NCKAP1L: variants seen among roughly 807,000 people sequenced by gnomAD.
NCKAP1L encodes nck-associated protein 1-like.
Under a neutral mutation model 139.2 loss-of-function variants are expected in NCKAP1L, and 53 were observed. That is an observed-to-expected ratio of 0.38 (90% CI 0.31 to 0.48). NCKAP1L has a LOEUF of 0.48. NCKAP1L is among the 20% of genes least tolerant of loss of function. The pLI, the probability that NCKAP1L is intolerant of heterozygous loss-of-function variation, is 0.98. For missense variants in NCKAP1L, 1,151 were observed against 1,381.9 expected (o/e 0.83, Z 2.65); for synonymous variants, 468 against 499.7 (o/e 0.94, Z 0.85).
At chr12:54,527,747 C>T (rs374548346) in intron 21 of NCKAP1L, among the ~76,000 whole-genome samples, 1 of 152,192 alleles carries the variant, frequency 6.6e-6, no homozygotes, top group African/African-American at 2.4e-5. Context: ...TCAAGCCCTC[C>T]TCTACCCACA....
At chr12:54,523,610 T>C in intron 19 of NCKAP1L, 71 bp downstream of exon 19, 18 of 1,511,406 alleles carry the variant, frequency 1.2e-5, no homozygotes, top group Non-Finnish European at 1.4e-5. Flanking sequence ...AGAGGGAAGG[T>C]GACACAGAAA....
At chr12:54,542,360 G>T (rs1238883817) in intron 30 of NCKAP1L, among the ~76,000 whole-genome samples, 2 of 152,182 alleles carry the variant, frequency 1.3e-5, no homozygotes, top group Non-Finnish European at 2.9e-5. Context: ...ACATAGTCCT[G>T]ATGAGGGGGT....
intron 18 of NCKAP1L, among the ~76,000 whole-genome samples, chr12:54,523,167 A>G (rs1956999160): frequency 6.6e-6 from 1 of 152,228 alleles, no homozygotes; most frequent in African/African-American, 2.4e-5. Context: ...AGACACTGCC[A>G]TCTTGAGACT....
chr12:54,531,642 A>T (rs1156782776), intron 24 of NCKAP1L, 58 bp downstream of exon 24: 1 of 1,601,512 alleles, frequency 6.2e-7, no homozygotes, highest in Non-Finnish European at 8.6e-7. Flanking sequence ...TGCAGATGAC[A>T]GGGTTTTCAG....
At chr12:54,520,167 A>G (rs1173278718) in intron 16 of NCKAP1L, among the ~76,000 whole-genome samples, 1 of 152,178 alleles carries the variant, frequency 6.6e-6, no homozygotes, top group Non-Finnish European at 1.5e-5. Flanking sequence ...AGTTGGGGAG[A>G]TATAATACCT....
rs1238315240 is a variant in NCKAP1L, at chr12:54,518,515, C to T, written c.1339-136C>T. On this transcript the variant is annotated intron_variant, in intron 13 of 30. Transcript: ENST00000293373. ...GGAACCCGGAAAGTTTCCTTCATCT[C>T]TTGCTTGGCTTTTTCTCTCTGTTTT... 3.4e-5 allele frequency: 26 copies of T among 766,172 alleles called. No homozygotes were observed. In the South Asian group the frequency reaches 3.6e-4, roughly 11 times the overall value. The allele number at this position is 766,172 out of a possible 1,614,324, so 47.5% of individuals were successfully genotyped here.
rs1159461198 is a variant in NCKAP1L, at chr12:54,517,890, T to G, written c.1290T>G (p.Leu430=). 1 of 1,614,048 alleles carries G rather than the reference T, an allele frequency of 6.2e-7. No homozygotes were observed. The highest frequency in any genetic ancestry group is 1.3e-5 in the African/African-American group (1 of 74,920). The change falls in exon 13 of 31, where the codon CTT becomes CTG. Residue 430 remains leucine, a synonymous_variant. Coordinates refer to ENST00000293373, the MANE Select transcript of NCKAP1L (RefSeq NM_005337.5). ...RHIKVIQQYH[L]QYLARFDALV... is the part of the protein sequence containing the mutation. ...TCAAAGTGATACAGCAATACCACCT[T>G]CAGTACTTGGCAAGATTTGATGCTC...
At chr12:54,529,457 G>A (rs74091310) in intron 22 of NCKAP1L, among the ~76,000 whole-genome samples, 8 of 152,080 alleles carry the variant, frequency 5.3e-5, no homozygotes, top group Non-Finnish European at 1.0e-4. Context: ...AATCAGGGAC[G>A]CTGCATAGTA....
intron 1 of NCKAP1L, 30 bp downstream of exon 1, chr12:54,497,921 T>C (rs2120859718): frequency 7.2e-7 from 1 of 1,397,628 alleles, no homozygotes; most frequent in Admixed American, 1.7e-5. Context: ...CTAGTACTGA[T>C]TATTCCAACA....
At chr12:54,518,290 C>T (rs577802508) in intron 13 of NCKAP1L, among the ~76,000 whole-genome samples, 20 of 151,468 alleles carry the variant, frequency 1.3e-4, no homozygotes, top group African/African-American at 3.6e-4. Context: ...TGCAGTGAGC[C>T]GAGATCGCGC....
At position 54,516,305 on chromosome 12, in the gene NCKAP1L, G is replaced by A. The variant is rs1359063332; in HGVS notation, c.998+10G>A. 6.2e-7 allele frequency: 1 copy of A among 1,612,476 alleles called. No individual in the cohort carries two copies. The highest frequency in any genetic ancestry group is 8.5e-7 in the Non-Finnish European group (1 of 1,178,666). ...ATGTAATTGCAAACAGGTAAAGGGTGGTGAATGCACTCTCTGAGAGGGGAT... is the reference window on the plus strand; with the variant it reads ...ATGTAATTGCAAACAGGTAAAGGGTAGTGAATGCACTCTCTGAGAGGGGAT... On this transcript the variant is annotated intron_variant, in intron 10 of 30. Transcript: ENST00000293373.
intron 3 of NCKAP1L, among the ~76,000 whole-genome samples, chr12:54,506,794 A>ATATATATATAT (rs1468649208): frequency 0.013 from 315 of 23,628 alleles, 1 homozygote; most frequent in South Asian, 0.033. Context: ...TTAAAAAAAA[A>ATATATATATAT]AAATATATAT....
chr12:54,518,080 T>C (rs3782400), intron 13 of NCKAP1L, 142 bp downstream of exon 13: 9,978 of 929,026 alleles, frequency 0.011, 399 homozygotes, highest in East Asian at 0.094. Flanking sequence ...GTGGCTCACG[T>C]CTGTAATCCA....
intron 19 of NCKAP1L, 61 bp downstream of exon 19, chr12:54,523,600 A>G: frequency 6.4e-7 from 1 of 1,553,724 alleles, no homozygotes; most frequent in Non-Finnish European, 8.7e-7. Flanking sequence ...AGGAAAGGAA[A>G]GAGGGAAGGT....
At chr12:54,517,724 A>G (rs948762554) in intron 12 of NCKAP1L, 82 bp downstream of exon 12, 8 of 1,597,950 alleles carry the variant, frequency 5.0e-6, no homozygotes, top group African/African-American at 2.7e-5. Context: ...GGAGGTCTCA[A>G]TTTCTGCCCT....
intron 14 of NCKAP1L, 73 bp downstream of exon 14, chr12:54,518,805 T>C (rs1279599577): frequency 2.6e-6 from 4 of 1,529,992 alleles, no homozygotes; most frequent in Non-Finnish European, 2.7e-6. Context: ...TATTGATCTT[T>C]GAGCCAGGAA....
intron 2 of NCKAP1L, among the ~76,000 whole-genome samples, 162 bp from the exon 3 acceptor site, chr12:54,500,371 G>C (rs567764789): frequency 1.2e-4 from 19 of 152,270 alleles, no homozygotes; most frequent in African/African-American, 4.3e-4. Flanking sequence ...TGATCCGCCT[G>C]CCTCGGCCTC....
At chr12:54,535,800 C>A (rs529222444) in intron 27 of NCKAP1L, among the ~76,000 whole-genome samples, 2 of 152,234 alleles carry the variant, frequency 1.3e-5, no homozygotes, top group South Asian at 2.1e-4. Context: ...GGGTGAGAAC[C>A]TTTTGTCTTC....
chr12:54,523,717 T>A (rs1957004977), intron 19 of NCKAP1L, 108 bp from the exon 20 acceptor site: 1 of 1,464,406 alleles, frequency 6.8e-7, no homozygotes, highest in South Asian at 1.4e-5. Context: ...CAATGTGTAC[T>A]CTTCTAGGCT....
Sources: gnomAD v4.1 joint callset for allele counts (sites outside exome capture counted in the v4.1 genomes callset) on GRCh38, gnomAD v4.1.1 for gene constraint, MANE v1.5 for transcripts, NCBI Gene and HGNC (gene_info 2026-07-23, HGNC 2026-07-21) for gene names.